CD101: variants seen among roughly 807,000 people sequenced by gnomAD.
CD101 encodes the protein CD101 molecule, also known as immunoglobulin superfamily member 2.
Under a neutral mutation model 98.2 loss-of-function variants are expected in CD101, and 76 were observed. The ratio of observed to expected loss-of-function variants is 0.77; its 90% CI spans 0.64 to 0.94. CD101 has a LOEUF of 0.94. CD101 is among the 40% of genes least tolerant of loss of function. The probability of loss-of-function intolerance (pLI) is 0.00; values close to 1 mark genes in which losing one functional copy is unlikely to be tolerated. For synonymous variants in CD101, 471 were observed against 472.7 expected, an observed-to-expected ratio of 1.00 and a Z score of 0.05; for missense variants, 1,145 against 1,218.8, an observed-to-expected ratio of 0.94 and a Z score of 0.90.
Position 117,009,993 on chromosome 1 carries a change from C to CCGACAAACCCGACCCAGGAAGTCCAG in CD101, c.188_213dup (p.Ile72ArgfsTer51). 1.2e-6 allele frequency: 2 copies of CCGACAAACCCGACCCAGGAAGTCCAG among 1,614,168 alleles called. No homozygotes were observed. The highest frequency in any genetic ancestry group is 2.2e-5 in the South Asian group (2 of 91,084). On this transcript the variant is annotated frameshift_variant, in exon 2 of 10. Transcript: ENST00000682167. LOFTEE classifies it high-confidence loss of function. ...GCATTTCCAGTGGTCTGTTTACCTGCCGACAAACCCGACCCAGGAAGTCCA... is the reference window on the plus strand; with the variant it reads ...GCATTTCCAGTGGTCTGTTTACCTGCCGACAAACCCGACCCAGGAAGTCCAGCGACAAACCCGACCCAGGAAGTCCA...
Position 117,024,868 on chromosome 1 carries a change from G to T in CD101, c.2429-641G>T, listed in dbSNP as rs960250138. Reference sequence around the variant, plus strand: ...GAGGGAGCTGCTAAAAGTTGTGAATGACCACTTTGGGAAGTAGAGGAGGAG... The same window carrying T: ...GAGGGAGCTGCTAAAAGTTGTGAATTACCACTTTGGGAAGTAGAGGAGGAG... On this transcript the variant is annotated intron_variant, in intron 7 of 9. Transcript: ENST00000682167. Among the ~76,000 whole-genome samples, 6 of 152,270 alleles carry T rather than the reference G, an allele frequency of 3.9e-5. No homozygotes were observed. The South Asian group carries it at 1.0e-3, about 26-fold the overall frequency.
At position 117,023,009 on chromosome 1, in the gene CD101, C is replaced by T. The variant is rs1653676445; in HGVS notation, c.2428+1026C>T. 6.6e-6 allele frequency among the ~76,000 whole-genome samples: 1 copy of T among 152,204 alleles called. No individual in the cohort carries two copies. Among genetic ancestry groups the T allele is most frequent in the Admixed American group, 6.5e-5 (1 of 15,278 alleles). ...TCCTCAGAATTTCTTAAACACTGCC[C>T]TGGTTTCAACTACCACCTTCTAGAT... On this transcript the variant is annotated intron_variant, in intron 7 of 9. Coordinates refer to ENST00000682167, the MANE Select transcript of CD101 (RefSeq NM_001256106.3). The surrounding 1 kb of genome is among the most constrained non-coding windows in gnomAD (Gnocchi z 4.4).
chr1:117,021,833 T>G lies in CD101; in HGVS notation c.2278T>G (p.Leu760Val), dbSNP rs769658916. ...TCATACTGAGAAGGTTTCCCAAGAC[T>G]TATTTCAGCTGCACATTCTGAATGT... ...KFHTEKVSQDLFQLHILNVED... is the reference protein window; with the variant it reads ...KFHTEKVSQDVFQLHILNVED... Residue 760 changes from leucine (L) to valine (V), a missense_variant, in exon 7 of 10, where the codon TTA becomes GTA. By Grantham distance (32) the Leu-to-Val change is conservative. Coordinates refer to ENST00000682167, the MANE Select transcript of CD101 (RefSeq NM_001256106.3). The surrounding 1 kb of genome is among the most constrained non-coding windows in gnomAD (Gnocchi z 4.7). 1.2e-4 allele frequency: 198 copies of G among 1,613,596 alleles called. No homozygotes were observed. The highest frequency in any genetic ancestry group is 1.6e-4 in the Non-Finnish European group (189 of 1,179,996).
intron 4 of CD101, among the ~76,000 whole-genome samples, chr1:117,014,726 G>A (rs547377166): frequency 5.5e-4 from 84 of 152,228 alleles, no homozygotes; most frequent in Admixed American, 1.1e-3. Flanking sequence ...AAAAATAAAG[G>A]TGTCCTTGTT....
In CD101 at chr1:117,004,751, C is replaced by G. The variant is rs147813262; in HGVS notation, c.43+2891C>G. Among the ~76,000 whole-genome samples the G allele has an allele frequency of 2.6e-5, 4 of 152,112 alleles. No individual in the cohort carries two copies. The East Asian group carries it at 7.7e-4, about 29-fold the overall frequency. ...GCCATTTGAGTTGATCTCTGCCAGT[C>G]ATGCCTTCTACCTGAAAAATACCTT... is the stretch of plus-strand genomic sequence containing the variant. On this transcript the variant is annotated intron_variant, in intron 1 of 9. Coordinates refer to ENST00000682167, the MANE Select transcript of CD101 (RefSeq NM_001256106.3). This position sits in a 1 kb window ranked among gnomAD's most constrained non-coding sequence, Gnocchi z 4.1.
Position 117,022,031 on chromosome 1 carries a change from G to T in CD101, c.2428+48G>T. The T allele has an allele frequency of 6.5e-7, 1 of 1,545,058 alleles. No homozygotes were observed. The highest frequency in any genetic ancestry group is 1.4e-5 in the African/African-American group (1 of 72,524). On this transcript the variant is annotated intron_variant, in intron 7 of 9. Transcript: ENST00000682167. The surrounding 1 kb of genome is among the most constrained non-coding windows in gnomAD (Gnocchi z 4.8). ...CACAATGTCTGTCTGTCTGACGGCT[G>T]TTTTCTCTTGGGCAGCTGTTCTATG...
At position 117,013,701 on chromosome 1, in the gene CD101, A is replaced by T. The variant is rs1653031177; in HGVS notation, c.1137A>T (p.Val379=). Residue 379 remains valine, a synonymous_variant, in exon 4 of 10, where the codon GTA becomes GTT. Coordinates refer to ENST00000682167, the MANE Select transcript of CD101 (RefSeq NM_001256106.3). The part of the protein sequence containing the change: ...PEDEGAYRCV[V]AEVMKTRTGS... ...ATGAAGGCGCCTACAGATGTGTGGT[A>T]GCAGAGGTCATGAAAACACGCACAG... 2 of 1,614,000 alleles carry T rather than the reference A, an allele frequency of 1.2e-6. No individual in the cohort carries two copies. Among genetic ancestry groups the T allele is most frequent in the Middle Eastern group, 1.7e-4 (1 of 6,052 alleles).
At chr1:117,002,708 C>A (rs1570705463) in intron 1 of CD101, among the ~76,000 whole-genome samples, 1 of 152,168 alleles carries the variant, frequency 6.6e-6, no homozygotes, top group East Asian at 1.9e-4. Flanking sequence ...AATTATAATG[C>A]AGTAATTTAT....
chr1:117,018,641 A>C lies in CD101; in HGVS notation c.2017+81A>C, dbSNP rs1308894400. ...CCATTTTGGGTAAGTTATAACAATA[A>C]AACATAAAATACTTTCTCCCATATT... On this transcript the variant is annotated intron_variant, in intron 6 of 9. Transcript: ENST00000682167. This position sits in a 1 kb window ranked among gnomAD's most constrained non-coding sequence, Gnocchi z 4.3. 2 of 1,323,000 alleles carry C rather than the reference A, an allele frequency of 1.5e-6. No homozygotes were observed. Among genetic ancestry groups the C allele is most frequent in the African/African-American group, 1.5e-5 (1 of 67,906 alleles). The allele number at this position is 1,323,000 out of a possible 1,614,324, so 82.0% of individuals were successfully genotyped here. A position where few individuals can be genotyped will look rare whatever the true frequency, so the allele number is the denominator to read the frequency against.
rs956477633 is a variant in CD101, at chr1:117,022,647, G to A, written c.2428+664G>A. Among the ~76,000 whole-genome samples the A allele has an allele frequency of 5.9e-5, 9 of 152,178 alleles. No individual in the cohort carries two copies. Among genetic ancestry groups the A allele is most frequent in the Non-Finnish European group, 1.5e-5 (1 of 68,038 alleles). The stretch of plus-strand genomic sequence containing the variant: ...AATGAATGTCACAGCCAAGGTTCAG[G>A]AACTGGCCAAGATCCTACAGCACAA... On this transcript the variant is annotated intron_variant, in intron 7 of 9. Coordinates refer to ENST00000682167, the MANE Select transcript of CD101 (RefSeq NM_001256106.3). This position sits in a 1 kb window ranked among gnomAD's most constrained non-coding sequence, Gnocchi z 4.8.
intron 1 of CD101, among the ~76,000 whole-genome samples, chr1:117,009,527 A>G (rs1652748152): frequency 1.3e-5 from 2 of 152,272 alleles, no homozygotes; most frequent in African/African-American, 4.8e-5. Flanking sequence ...ATGTAAAGTT[A>G]CCATACATTT....
At chr1:117,035,247 T>C (rs1260148680) in intron 9 of CD101, among the ~76,000 whole-genome samples, 1 of 152,186 alleles carries the variant, frequency 6.6e-6, no homozygotes, top group Non-Finnish European at 1.5e-5. Context: ...ATCTATTTAT[T>C]ATCTATGTGA....
chr1:117,021,882 A>G lies in CD101; in HGVS notation c.2327A>G (p.Tyr776Cys), dbSNP rs1247160450. 2 of 1,614,224 alleles carry G rather than the reference A, an allele frequency of 1.2e-6. No homozygotes were observed. Among genetic ancestry groups the G allele is most frequent in the Admixed American group, 3.3e-5 (2 of 60,030 alleles). ...GTGGAAGACAGCGATCGGGGCAAAT[A>G]TCACTGTGCTGTGGAGGAATGGCTC... ...LNVEDSDRGK[Y>C]HCAVEEWLLS... The change falls in exon 7 of 10, where the codon TAT becomes TGT. Residue 776 changes from tyrosine to cysteine, a missense_variant. Tyr to Cys is a radical substitution (Grantham distance 194, BLOSUM62 -2). Transcript: ENST00000682167. The surrounding 1 kb of genome is among the most constrained non-coding windows in gnomAD (Gnocchi z 4.7).
At position 117,023,213 on chromosome 1, in the gene CD101, T is replaced by G. The variant is rs912672664; in HGVS notation, c.2428+1230T>G. Reference sequence around the variant, plus strand: ...CTTCTGCATTTCCCATCTGTGTGATTGGCATTCTGTCTCCCAGTCATCCAC... The same window carrying G: ...CTTCTGCATTTCCCATCTGTGTGATGGGCATTCTGTCTCCCAGTCATCCAC... On this transcript the variant is annotated intron_variant, in intron 7 of 9. Coordinates refer to ENST00000682167, the MANE Select transcript of CD101 (RefSeq NM_001256106.3). This position sits in a 1 kb window ranked among gnomAD's most constrained non-coding sequence, Gnocchi z 4.4. 5.9e-5 allele frequency among the ~76,000 whole-genome samples: 9 copies of G among 152,184 alleles called. No homozygotes were observed. The highest frequency in any genetic ancestry group is 2.2e-4 in the African/African-American group (9 of 41,448).
intron 4 of CD101, among the ~76,000 whole-genome samples, chr1:117,014,804 T>C (rs1570722236): frequency 6.6e-6 from 1 of 152,168 alleles, no homozygotes; most frequent in African/African-American, 2.4e-5. Context: ...AATATGCCAT[T>C]TACTAGGAAT....
rs1337772898 is a variant in CD101 at position 117,023,824 on chromosome 1, G to A, written c.2429-1685G>A. 6.6e-6 allele frequency among the ~76,000 whole-genome samples: 1 copy of A among 152,094 alleles called. No individual in the cohort carries two copies. Among genetic ancestry groups the A allele is most frequent in the African/African-American group, 2.4e-5 (1 of 41,408 alleles). On this transcript the variant is annotated intron_variant, in intron 7 of 9. Coordinates refer to ENST00000682167, the MANE Select transcript of CD101 (RefSeq NM_001256106.3). This position sits in a 1 kb window ranked among gnomAD's most constrained non-coding sequence, Gnocchi z 4.4. ...ATTTAGGGAACAAGTTAACCAAGAG[G>A]CCCCAGAAAGATGCTGAGAATGACT...
At chr1:117,011,273 G>A (rs1652871153) in intron 2 of CD101, among the ~76,000 whole-genome samples, 1 of 152,124 alleles carries the variant, frequency 6.6e-6, no homozygotes, top group Non-Finnish European at 1.5e-5. Flanking sequence ...CATGCTTTGT[G>A]TCTGAGTAGC....
Position 117,010,181 on chromosome 1 carries a change from C to T in CD101, c.375C>T (p.Asn125=). 1 of 1,614,126 alleles carries T rather than the reference C, an allele frequency of 6.2e-7. No individual in the cohort carries two copies. The highest frequency in any genetic ancestry group is 8.5e-7 in the Non-Finnish European group (1 of 1,180,002). ...GCGAGTATGAGTGTCACACACCAAA[C>T]ACTGATGAGAAATACTATGGAAGTT... is the stretch of plus-strand genomic sequence containing the variant. ...DAGEYECHTP[N]TDEKYYGSYS... is the part of the protein sequence containing the mutation. The change falls in exon 2 of 10, where the codon AAC becomes AAT. Residue 125 remains asparagine (N), a synonymous_variant. Coordinates refer to ENST00000682167, the MANE Select transcript of CD101 (RefSeq NM_001256106.3). The surrounding 1 kb of genome is among the most constrained non-coding windows in gnomAD (Gnocchi z 5.2).
chr1:117,011,618 G>A lies in CD101; in HGVS notation c.493G>A (p.Ala165Thr), dbSNP rs772702079. The change falls in exon 3 of 10, where the codon GCC becomes ACC. Residue 165 changes from alanine (A) to threonine (T), a missense_variant. Ala to Thr is a moderately conservative substitution (Grantham distance 58). Coordinates refer to ENST00000682167, the MANE Select transcript of CD101 (RefSeq NM_001256106.3). ...TLGKEEGEPLALTCEASKATA... is the reference protein window; with the variant it reads ...TLGKEEGEPLTLTCEASKATA... The stretch of plus-strand genomic sequence containing the variant: ...CGGTAAGGAGGAAGGTGAGCCATTA[G>A]CCCTCACCTGTGAGGCATCCAAAGC... 1 of 1,613,888 alleles carries A rather than the reference G, an allele frequency of 6.2e-7. No homozygotes were observed. The highest frequency in any genetic ancestry group is 1.1e-5 in the South Asian group (1 of 91,068).
Sources: allele counts gnomAD v4.1 joint callset (sites outside exome capture counted in the v4.1 genomes callset), GRCh38; gene constraint gnomAD v4.1.1; non-coding constraint Gnocchi (gnomAD v3.1); transcripts MANE v1.5; gene names NCBI Gene and HGNC (gene_info 2026-07-23, HGNC 2026-07-21).